PLCH1: variants seen among roughly 807,000 people sequenced by gnomAD.
PLCH1 encodes the protein 1-phosphatidylinositol 4,5-bisphosphate phosphodiesterase eta-1.
In PLCH1, 60 loss-of-function variants were observed where a neutral mutation model predicts 126.7. The ratio of observed to expected loss-of-function variants is 0.47; its 90% CI spans 0.38 to 0.59. The LOEUF (loss-of-function observed/expected upper bound fraction) is 0.59, where lower values mean the gene tolerates loss of function less well. Among genes scored for constraint, PLCH1 ranks in the 20% least tolerant of loss-of-function variants. PLCH1 has a pLI of 0.00. For synonymous variants in PLCH1, 719 were observed against 734.9 expected (o/e 0.98, Z 0.35); for missense variants, 1,723 against 2,040.0 (o/e 0.84, Z 2.99).
intron 1 of PLCH1, among the ~76,000 whole-genome samples, chr3:155,719,982 G>C (rs2109132931): frequency 6.6e-6 from 1 of 152,122 alleles, no homozygotes; most frequent in South Asian, 2.1e-4. Context: ...TTTTAGTAGA[G>C]ATGAGGTTTC....
At chr3:155,582,211 T>C (rs551769269) in intron 6 of PLCH1, among the ~76,000 whole-genome samples, 2 of 151,270 alleles carry the variant, frequency 1.3e-5, no homozygotes, top group South Asian at 4.2e-4. Context: ...GACTCCCAAG[T>C]AGCTGAGATT....
chr3:155,575,203 A>T (rs1385121515), intron 6 of PLCH1, among the ~76,000 whole-genome samples: 1 of 152,184 alleles, frequency 6.6e-6, no homozygotes, highest in African/African-American at 2.4e-5. Context: ...ATGCTTTTAT[A>T]TGAGGAAGGT....
chr3:155,554,910 C>T (rs1241844256), intron 8 of PLCH1, among the ~76,000 whole-genome samples: 1 of 152,172 alleles, frequency 6.6e-6, no homozygotes, highest in Non-Finnish European at 1.5e-5. Context: ...GTTATTGATA[C>T]TATTAATATT....
At chr3:155,602,780 G>A (rs1560231407) in intron 2 of PLCH1, among the ~76,000 whole-genome samples, 2 of 152,266 alleles carry the variant, frequency 1.3e-5, no homozygotes, top group South Asian at 2.1e-4. Context: ...TGAAATGTCA[G>A]TATGTGGCAC....
intron 1 of PLCH1, among the ~76,000 whole-genome samples, chr3:155,731,012 C>A (rs534263225): frequency 1.3e-5 from 2 of 152,354 alleles, no homozygotes; most frequent in African/African-American, 4.8e-5. Context: ...ACCCTGGCAC[C>A]ATGCCAGATC....
chr3:155,616,375 C>T (rs145215491), intron 2 of PLCH1, among the ~76,000 whole-genome samples: 116 of 152,186 alleles, frequency 7.6e-4, no homozygotes, highest in African/African-American at 2.6e-3. Flanking sequence ...GTGAGCAAGA[C>T]GACTAAAATT....
intron 2 of PLCH1, among the ~76,000 whole-genome samples, chr3:155,684,658 T>C (rs1744796557): frequency 6.6e-6 from 1 of 152,138 alleles, no homozygotes; most frequent in Non-Finnish European, 1.5e-5. Flanking sequence ...CTCCTCTTTC[T>C]AAAAGAAAAC....
At chr3:155,698,846 C>T (rs1417722333) in intron 2 of PLCH1, among the ~76,000 whole-genome samples, 1 of 152,038 alleles carries the variant, frequency 6.6e-6, no homozygotes, top group African/African-American at 2.4e-5. Flanking sequence ...GCTTTGGTGG[C>T]CATCAATGGG....
intron 1 of PLCH1, among the ~76,000 whole-genome samples, chr3:155,735,813 G>A (rs995497699): frequency 6.6e-6 from 1 of 152,060 alleles, no homozygotes; most frequent in African/African-American, 2.4e-5. Context: ...ATAGTTTAAG[G>A]AAGCTCTTAT....
chr3:155,727,186 T>A (rs1475944644), intron 1 of PLCH1, among the ~76,000 whole-genome samples: 1 of 152,136 alleles, frequency 6.6e-6, no homozygotes, highest in Non-Finnish European at 1.5e-5. Flanking sequence ...GCTTGGTTAG[T>A]CCTCATAGTT....
chr3:155,641,194 T>TA (rs567719881), intron 2 of PLCH1, among the ~76,000 whole-genome samples: 285 of 142,742 alleles, frequency 2.0e-3, no homozygotes, highest in Middle Eastern at 7.1e-3. Flanking sequence ...TTTTCAACGT[T>TA]AAAAAAAAAA....
intron 11 of PLCH1, among the ~76,000 whole-genome samples, chr3:155,518,965 C>T (rs1055245219): frequency 1.3e-5 from 2 of 152,192 alleles, no homozygotes; most frequent in Non-Finnish European, 2.9e-5. Context: ...ATGCTTAACA[C>T]AAAAGCTATA....
intron 10 of PLCH1, among the ~76,000 whole-genome samples, chr3:155,547,391 C>T (rs1009430421): frequency 2.1e-5 from 3 of 142,162 alleles, no homozygotes; most frequent in African/African-American, 7.7e-5. Flanking sequence ...CAGGAAACAA[C>T]AGGTGCTGGA....
chr3:155,687,863 T>C (rs1213023252), intron 2 of PLCH1, among the ~76,000 whole-genome samples: 1 of 152,228 alleles, frequency 6.6e-6, no homozygotes, highest in Non-Finnish European at 1.5e-5. Flanking sequence ...GTCATTCACC[T>C]ATGGTTTTGC....
chr3:155,486,374 A>G (rs1026372491), intron 21 of PLCH1, among the ~76,000 whole-genome samples: 4 of 152,248 alleles, frequency 2.6e-5, no homozygotes, highest in East Asian at 3.9e-4. Flanking sequence ...TATCCACTAC[A>G]CTGTGATGTG....
chr3:155,511,725 G>T (rs1560091502), intron 12 of PLCH1, among the ~76,000 whole-genome samples: 1 of 144,372 alleles, frequency 6.9e-6, no homozygotes, highest in Non-Finnish European at 1.5e-5. Flanking sequence ...ATCTCCAGCT[G>T]CGTGCTGGGA....
At chr3:155,684,101 A>G (rs1382766818) in intron 2 of PLCH1, among the ~76,000 whole-genome samples, 1 of 152,200 alleles carries the variant, frequency 6.6e-6, no homozygotes, top group Non-Finnish European at 1.5e-5. Flanking sequence ...GCATGGCTTG[A>G]CTTACAGCCA....
chr3:155,516,047 G>C (rs1329769900), intron 11 of PLCH1, among the ~76,000 whole-genome samples: 1 of 152,188 alleles, frequency 6.6e-6, no homozygotes, highest in Non-Finnish European at 1.5e-5. Flanking sequence ...GAATTTCCCT[G>C]TATCACTATC....
At chr3:155,707,414 C>T (rs1307720899) in intron 1 of PLCH1, among the ~76,000 whole-genome samples, 1 of 152,158 alleles carries the variant, frequency 6.6e-6, no homozygotes, top group Admixed American at 6.5e-5. Flanking sequence ...CAAGGCCGGG[C>T]ACAGTGGCTC....
Sources: allele counts gnomAD v4.1 joint callset (sites outside exome capture counted in the v4.1 genomes callset), GRCh38; gene constraint gnomAD v4.1.1; transcripts MANE v1.5; gene names NCBI Gene and HGNC (gene_info 2026-07-23, HGNC 2026-07-21).